The following CLSTN2 variants were observed in gnomAD, a reference collection of about 807,000 sequenced individuals.
The protein encoded by CLSTN2 is calsyntenin-2.
In CLSTN2, 48 loss-of-function variants were observed where a neutral mutation model predicts 101.2. That is an observed-to-expected ratio of 0.47 (90% CI 0.38 to 0.60). The LOEUF is 0.60. CLSTN2 is among the 20% of genes least tolerant of loss of function. The pLI, the probability that CLSTN2 is intolerant of heterozygous loss-of-function variation, is 0.00. For missense variants in CLSTN2, 1,160 were observed against 1,238.2 expected (o/e 0.94, Z 0.95); for synonymous variants, 481 against 463.6 (o/e 1.04, Z -0.48).
rs374970030 is a variant in CLSTN2, at chr3:140,459,622, G to T, written c.1075G>T (p.Asp359Tyr). ...CAGCAGTGAGATGATCTTCAAGTTTGACGGCAGGCAGGGTGCCAAAGTCCC... is the reference window on the plus strand; with the variant it reads ...CAGCAGTGAGATGATCTTCAAGTTTTACGGCAGGCAGGGTGCCAAAGTCCC... Reference protein sequence around the residue: ...VDSSEMIFKFDGRQGAKVPDG... With the variant: ...VDSSEMIFKFYGRQGAKVPDG... The change falls in exon 7 of 17, where the codon GAC becomes TAC. Residue 359 changes from aspartate to tyrosine, a missense_variant. Physicochemically the swap from Asp to Tyr is radical, Grantham distance 160. Coordinates refer to ENST00000458420, the MANE Select transcript of CLSTN2 (RefSeq NM_022131.3). The T allele has an allele frequency of 7.2e-5, 117 of 1,614,186 alleles. 1 individual carries two copies. The highest frequency in any genetic ancestry group is 1.0e-4 in the Admixed American group (6 of 60,034).
At chr3:139,969,643 G>A (rs967608807) in intron 1 of CLSTN2, among the ~76,000 whole-genome samples, 5 of 152,134 alleles carry the variant, frequency 3.3e-5, no homozygotes, top group East Asian at 1.9e-4. Flanking sequence ...ACCCAACTGC[G>A]TGAGTGTCTT....
At chr3:140,463,204 T>C (rs10935384) in intron 7 of CLSTN2, among the ~76,000 whole-genome samples, 71,002 of 152,030 alleles carry the variant, frequency 0.47, 17,638 homozygotes, top group African/African-American at 0.64. Context: ...CCTACACACA[T>C]ATCAGCTCCT....
intron 8 of CLSTN2, among the ~76,000 whole-genome samples, chr3:140,481,125 A>G (rs572118181): frequency 6.6e-6 from 1 of 152,306 alleles, no homozygotes; most frequent in East Asian, 1.9e-4. Context: ...ATTTTTGTAT[A>G]AGGTGTAAGG....
intron 1 of CLSTN2, among the ~76,000 whole-genome samples, chr3:139,998,561 G>A (rs1041896664): frequency 6.6e-6 from 1 of 151,576 alleles, no homozygotes; most frequent in Non-Finnish European, 1.5e-5. Context: ...TGCCAGGATG[G>A]TCTCTATCTC....
chr3:140,483,153 C>T (rs555369132), intron 8 of CLSTN2, among the ~76,000 whole-genome samples: 30 of 152,198 alleles, frequency 2.0e-4, no homozygotes, highest in African/African-American at 4.8e-4. Context: ...TCTTTGTTCT[C>T]GTTGGTTTCA....
chr3:140,151,156 G>T (rs1282236127), intron 1 of CLSTN2, among the ~76,000 whole-genome samples: 1 of 152,092 alleles, frequency 6.6e-6, no homozygotes, highest in African/African-American at 2.4e-5. Context: ...GGAACAATAA[G>T]ATCCTTTTGG....
chr3:140,514,591 G>C (rs1934880831), intron 8 of CLSTN2, among the ~76,000 whole-genome samples: 2 of 152,134 alleles, frequency 1.3e-5, no homozygotes, highest in South Asian at 4.1e-4. Context: ...CCATTAACAT[G>C]CGTGTCAAGT....
chr3:140,160,730 A>T (rs532859739), intron 1 of CLSTN2, among the ~76,000 whole-genome samples: 20 of 152,212 alleles, frequency 1.3e-4, no homozygotes, highest in Non-Finnish European at 2.5e-4. Context: ...TTCAGAAATA[A>T]GTAGGTCCCA....
rs751826679 is a variant in CLSTN2, at chr3:140,205,624, C to CCCCCT, written c.232+29551_232+29552insCCCCT. On this transcript the variant is annotated intron_variant, in intron 2 of 16. Transcript: ENST00000458420. ...TGTTGTTTGGACCTGACCCGCCCCC[C>CCCCCT]ACCCACACACACACACAGCCACCTG... 1.8e-5 allele frequency among the ~76,000 whole-genome samples: 2 copies of CCCCCT among 108,246 alleles called. 1 individual carries two copies. The highest frequency in any genetic ancestry group is 3.9e-5 in the Non-Finnish European group (2 of 50,794). 71.0% of individuals were successfully genotyped at this position (108,246 alleles called of 152,430 possible). A position where few individuals can be genotyped will look rare whatever the true frequency, so the allele number is the denominator to read the frequency against.
At chr3:140,388,728 T>C (rs2088080264) in intron 2 of CLSTN2, among the ~76,000 whole-genome samples, 2 of 152,214 alleles carry the variant, frequency 1.3e-5, no homozygotes, top group African/African-American at 4.8e-5. Flanking sequence ...TGTAAAGCCA[T>C]TGACATAGTA....
chr3:140,427,246 C>CAT (rs1158270538), intron 5 of CLSTN2, among the ~76,000 whole-genome samples: 33 of 109,226 alleles, frequency 3.0e-4, no homozygotes, highest in East Asian at 1.2e-3. Context: ...TATATATATA[C>CAT]ATATATATAT....
chr3:140,366,640 G>C (rs895854359), intron 2 of CLSTN2, among the ~76,000 whole-genome samples: 2 of 152,054 alleles, frequency 1.3e-5, no homozygotes, highest in Admixed American at 6.6e-5. Flanking sequence ...CATTTGCTCT[G>C]CAATTCCCTC....
intron 1 of CLSTN2, among the ~76,000 whole-genome samples, chr3:140,121,018 A>G (rs1032038457): frequency 7.2e-5 from 11 of 152,238 alleles, no homozygotes; most frequent in African/African-American, 2.7e-4. Flanking sequence ...GTAAACAGGT[A>G]ACACAGTCAA....
At chr3:140,509,465 G>GA (rs979513772) in intron 8 of CLSTN2, among the ~76,000 whole-genome samples, 5 of 152,158 alleles carry the variant, frequency 3.3e-5, no homozygotes, top group Non-Finnish European at 7.4e-5. Flanking sequence ...ACCACACTTT[G>GA]AGAACCACTG....
chr3:139,940,798 C>T (rs1306773803), intron 1 of CLSTN2, among the ~76,000 whole-genome samples: 2 of 152,154 alleles, frequency 1.3e-5, no homozygotes, highest in Non-Finnish European at 2.9e-5. Context: ...TCATTCATCT[C>T]AAAGGCCCTG....
chr3:140,255,479 AC>A (rs2086596967), intron 2 of CLSTN2, among the ~76,000 whole-genome samples: 1 of 152,178 alleles, frequency 6.6e-6, no homozygotes, highest in Non-Finnish European at 1.5e-5. Context: ...ATAAAAAACG[AC>A]AAATCATGTC....
intron 1 of CLSTN2, among the ~76,000 whole-genome samples, chr3:140,139,054 A>G (rs2009657739): frequency 6.6e-6 from 1 of 152,244 alleles, no homozygotes; most frequent in South Asian, 2.1e-4. Flanking sequence ...AATGTGAGCA[A>G]TTGCACCTCT....
At chr3:140,197,978 C>T (rs1030164877) in intron 2 of CLSTN2, among the ~76,000 whole-genome samples, 7 of 152,130 alleles carry the variant, frequency 4.6e-5, no homozygotes, top group African/African-American at 1.7e-4. Context: ...CCTGTGGATC[C>T]TGGGCAATTA....
chr3:140,558,784 G>A lies in CLSTN2; in HGVS notation c.1968G>A (p.Val656=), dbSNP rs1311672329. The A allele has an allele frequency of 3.7e-6, 6 of 1,614,012 alleles. No individual in the cohort carries two copies. Among genetic ancestry groups the A allele is most frequent in the Non-Finnish European group, 5.1e-6 (6 of 1,179,996 alleles). The stretch of plus-strand genomic sequence containing the variant: ...CCCAGTTTGAAAGTGCCAGGGGAGT[G>A]ACCCTCTTCCCTGATATCAAGATTG... ...PAAQFESARG[V]TLFPDIKIVS... The change falls in exon 12 of 17, where the codon GTG becomes GTA. Residue 656 remains valine (V), a synonymous_variant. Coordinates refer to ENST00000458420, the MANE Select transcript of CLSTN2 (RefSeq NM_022131.3).
Sources: allele counts gnomAD v4.1 joint callset (sites outside exome capture counted in the v4.1 genomes callset), GRCh38; gene constraint gnomAD v4.1.1; transcripts MANE v1.5; gene names NCBI Gene and HGNC (gene_info 2026-07-23, HGNC 2026-07-21).